NUDCD1: variants seen among roughly 807,000 people sequenced by gnomAD.
The protein encoded by NUDCD1 is nudC domain-containing protein 1.
Under a neutral mutation model 67.8 loss-of-function variants are expected in NUDCD1, and 60 were observed. The observed-to-expected ratio is 0.88, with a 90% CI of 0.72 to 1.10. The LOEUF (loss-of-function observed/expected upper bound fraction) is 1.10, where lower values mean the gene tolerates loss of function less well. Ranked by LOEUF, NUDCD1 falls within the 50% of genes least tolerant of loss-of-function variation. The pLI is 0.00. For synonymous variants in NUDCD1, 244 were observed against 230.8 expected, an observed-to-expected ratio of 1.06 and a Z score of -0.52; for missense variants, 643 against 695.0, an observed-to-expected ratio of 0.93 and a Z score of 0.84.
intron 8 of NUDCD1, among the ~76,000 whole-genome samples, chr8:109,247,571 A>AT (rs1813527760): frequency 6.6e-6 from 1 of 152,202 alleles, no homozygotes; most frequent in East Asian, 1.9e-4. Context: ...TACCTTACGC[A>AT]TATTTCCATT....
chr8:109,271,117 T>C lies in NUDCD1; in HGVS notation c.1187A>G (p.Asp396Gly), dbSNP rs887018863. ...LTSEELNPNP[D>G]KEKPPCNAQE... is the part of the protein sequence containing the mutation. ...AGCATTGCAAGGTGGTTTTTCTTTA[T>C]CTGGATTTGGATTCTTAGTCCAGAA... The change falls in exon 8 of 10, where the codon GAT becomes GGT. Residue 396 changes from aspartate (D) to glycine (G), a missense_variant. Coordinates refer to ENST00000239690, the MANE Select transcript of NUDCD1 (RefSeq NM_032869.4). 3 of 1,565,852 alleles carry C rather than the reference T, an allele frequency of 1.9e-6. No homozygotes were observed. The highest frequency in any genetic ancestry group is 2.7e-5 in the African/African-American group (2 of 73,176).
intron 8 of NUDCD1, among the ~76,000 whole-genome samples, chr8:109,248,825 A>C (rs1190511314): frequency 6.6e-6 from 1 of 152,134 alleles, no homozygotes; most frequent in Non-Finnish European, 1.5e-5. Context: ...CTTAAAATAT[A>C]ACATTTAGCA....
intron 2 of NUDCD1, among the ~76,000 whole-genome samples, chr8:109,308,745 G>C (rs1223007839): frequency 1.3e-5 from 2 of 152,096 alleles, no homozygotes; most frequent in Admixed American, 6.6e-5. Context: ...GCCAAGGTGG[G>C]TGAATCACGA....
intron 5 of NUDCD1, among the ~76,000 whole-genome samples, chr8:109,282,053 A>G (rs1274703403): frequency 3.3e-5 from 5 of 152,044 alleles, no homozygotes; most frequent in Non-Finnish European, 7.4e-5. Context: ...TTAGCTCCAC[A>G]CTTAGGTATG....
At chr8:109,249,590 T>C (rs1284988145) in intron 8 of NUDCD1, among the ~76,000 whole-genome samples, 1 of 152,234 alleles carries the variant, frequency 6.6e-6, no homozygotes, top group East Asian at 1.9e-4. Flanking sequence ...GTTACAAATG[T>C]ATGCTTATTG....
intron 2 of NUDCD1, among the ~76,000 whole-genome samples, chr8:109,310,740 C>T (rs1815223890): frequency 6.6e-6 from 1 of 150,852 alleles, no homozygotes; most frequent in South Asian, 2.1e-4. Flanking sequence ...GACTAATATC[C>T]AGAATCTACA....
At chr8:109,333,773 CGCAAGCCGCCACGGTG>C in intron 1 of NUDCD1, 104 bp downstream of exon 1, 1 of 1,115,222 alleles carries the variant, frequency 9.0e-7, no homozygotes, top group Non-Finnish European at 1.3e-6. Flanking sequence ...CGTGAGTCCA[CGCAAGCCGCCACGGTG>C]GCTTCGCTTG....
In NUDCD1 at chr8:109,306,638, C is replaced by CG. The variant is rs1815113574; in HGVS notation, c.274-10070_274-10069insC. On this transcript the variant is annotated intron_variant, in intron 2 of 9. Transcript: ENST00000239690. ...AGCAAATAATTATGTTGAACCCCCCCCACCCCCGGACCCCACTGGACACTC... is the reference window on the plus strand; with the variant it reads ...AGCAAATAATTATGTTGAACCCCCCCGCACCCCCGGACCCCACTGGACACTC... 2.0e-5 allele frequency among the ~76,000 whole-genome samples: 3 copies of CG among 151,810 alleles called. No homozygotes were observed. In the South Asian group the frequency reaches 6.3e-4, roughly 32 times the overall value.
intron 8 of NUDCD1, 63 bp from the exon 9 acceptor site, chr8:109,245,544 G>A: frequency 7.7e-7 from 1 of 1,302,490 alleles, no homozygotes; most frequent in Non-Finnish European, 1.1e-6. Context: ...CAATAACAAT[G>A]GCAGAAGCTG....
intron 2 of NUDCD1, among the ~76,000 whole-genome samples, chr8:109,301,093 C>T (rs1015049819): frequency 1.3e-5 from 2 of 152,160 alleles, no homozygotes; most frequent in Non-Finnish European, 2.9e-5. Flanking sequence ...GTCTCTGAGC[C>T]CAAGCTAAGC....
chr8:109,317,925 T>C (rs1048724956), intron 2 of NUDCD1, among the ~76,000 whole-genome samples: 1 of 152,200 alleles, frequency 6.6e-6, no homozygotes, highest in African/African-American at 2.4e-5. Flanking sequence ...CATATTACCA[T>C]GTAATAGTTA....
chr8:109,287,546 C>T (rs1015024342), intron 5 of NUDCD1, among the ~76,000 whole-genome samples: 1 of 152,058 alleles, frequency 6.6e-6, no homozygotes, highest in Admixed American at 6.6e-5. Flanking sequence ...GAACAGAAAA[C>T]CAAATACCAC....
At chr8:109,286,016 G>C (rs183834650) in intron 5 of NUDCD1, among the ~76,000 whole-genome samples, 70 of 151,950 alleles carry the variant, frequency 4.6e-4, no homozygotes, top group African/African-American at 1.7e-3. Context: ...TTCAAGCTGA[G>C]AGCCAAATCA....
At chr8:109,330,144 A>C (rs1384459776) in intron 1 of NUDCD1, among the ~76,000 whole-genome samples, 1 of 152,232 alleles carries the variant, frequency 6.6e-6, no homozygotes, top group African/African-American at 2.4e-5. Context: ...AATGCCTAGG[A>C]AGGAAATTGC....
At chr8:109,282,067 C>T (rs1814454825) in intron 5 of NUDCD1, among the ~76,000 whole-genome samples, 1 of 152,152 alleles carries the variant, frequency 6.6e-6, no homozygotes, top group Non-Finnish European at 1.5e-5. Context: ...AGGTATGCCT[C>T]TGGGCATTTA....
chr8:109,329,519 T>C (rs1386046494), intron 1 of NUDCD1, among the ~76,000 whole-genome samples: 1 of 152,124 alleles, frequency 6.6e-6, no homozygotes, highest in African/African-American at 2.4e-5. Flanking sequence ...TAATGTGAGA[T>C]TTCTCATCAG....
chr8:109,316,666 T>G (rs542950036), intron 2 of NUDCD1, among the ~76,000 whole-genome samples: 1 of 152,212 alleles, frequency 6.6e-6, no homozygotes. Context: ...CATTTGTTGC[T>G]GATGAGAAAA....
rs748497499 is a variant in NUDCD1 at position 109,281,182 on chromosome 8, A to G, written c.824-10T>C. Reference sequence around the variant, plus strand: ...CAGTAATACAGAGGTTCTATTGGGAAAAGAAAAATGCATCATGTAATAAAA... The same window carrying G: ...CAGTAATACAGAGGTTCTATTGGGAGAAGAAAAATGCATCATGTAATAAAA... On this transcript the variant is annotated splice_polypyrimidine_tract_variant and intron_variant, in intron 5 of 9. Coordinates refer to ENST00000239690, the MANE Select transcript of NUDCD1 (RefSeq NM_032869.4). The G allele has an allele frequency of 1.3e-6, 2 of 1,572,636 alleles. No homozygotes were observed. The highest frequency in any genetic ancestry group is 3.5e-5 in the Admixed American group (2 of 57,944).
At chr8:109,243,579 A>G (rs559344109) in intron 9 of NUDCD1, among the ~76,000 whole-genome samples, 220 of 152,290 alleles carry the variant, frequency 1.4e-3, no homozygotes, top group African/African-American at 5.1e-3. Context: ...ATTTCCACGA[A>G]TAATTCGAAC....
Sources: gnomAD v4.1 joint callset for allele counts (sites outside exome capture counted in the v4.1 genomes callset) on GRCh38, gnomAD v4.1.1 for gene constraint, MANE v1.5 for transcripts, NCBI Gene and HGNC (gene_info 2026-07-23, HGNC 2026-07-21) for gene names.